GRID1: variants seen among roughly 807,000 people sequenced by gnomAD.
GRID1 encodes the protein glutamate receptor ionotropic, delta-1.
Under a neutral mutation model 98.0 loss-of-function variants are expected in GRID1, and 28 were observed. That is an observed-to-expected ratio of 0.29 (90% CI 0.21 to 0.39). The LOEUF is 0.39. Among genes scored for constraint, GRID1 ranks in the 10% least tolerant of loss-of-function variants. GRID1 has a pLI of 1.00. For missense variants in GRID1, 1,111 were observed against 1,340.5 expected, an observed-to-expected ratio of 0.83 and a Z score of 2.67; for synonymous variants, 553 against 538.5, an observed-to-expected ratio of 1.03 and a Z score of -0.37.
chr10:86,095,685 T>A (rs946562480), intron 4 of GRID1, among the ~76,000 whole-genome samples: 1 of 152,042 alleles, frequency 6.6e-6, no homozygotes, highest in Non-Finnish European at 1.5e-5. Context: ...GCAAGAATGG[T>A]CATAATAAAA....
At chr10:85,918,397 G>T (rs1841650365) in intron 4 of GRID1, among the ~76,000 whole-genome samples, 1 of 151,278 alleles carries the variant, frequency 6.6e-6, no homozygotes, top group African/African-American at 2.4e-5. Flanking sequence ...GATAACACTT[G>T]CCCCTTCCCG....
intron 4 of GRID1, among the ~76,000 whole-genome samples, chr10:86,065,238 G>C (rs1190281040): frequency 3.3e-5 from 5 of 152,222 alleles, no homozygotes; most frequent in African/African-American, 1.2e-4. Flanking sequence ...TGCTAGAAAT[G>C]CAAATTCCCA....
At chr10:85,990,537 C>T (rs1400018855) in intron 4 of GRID1, among the ~76,000 whole-genome samples, 1 of 152,180 alleles carries the variant, frequency 6.6e-6, no homozygotes, top group Non-Finnish European at 1.5e-5. Flanking sequence ...GCCTTTCAAC[C>T]GAGGTGCCCT....
At chr10:85,966,898 T>C (rs561825153) in intron 4 of GRID1, among the ~76,000 whole-genome samples, 3 of 152,114 alleles carry the variant, frequency 2.0e-5, no homozygotes, top group Non-Finnish European at 2.9e-5. Flanking sequence ...AAATGGATAC[T>C]GACATGGTTT....
intron 4 of GRID1, among the ~76,000 whole-genome samples, chr10:85,954,228 A>G (rs757549246): frequency 2.0e-5 from 3 of 152,220 alleles, no homozygotes; most frequent in African/African-American, 4.8e-5. Flanking sequence ...AGCACTCAGG[A>G]CAGGAGGATG....
chr10:86,166,672 G>A (rs1406726487), intron 3 of GRID1, among the ~76,000 whole-genome samples: 2 of 152,206 alleles, frequency 1.3e-5, no homozygotes, highest in Non-Finnish European at 2.9e-5. Flanking sequence ...AAATTGGCCT[G>A]GCTGACACTT....
At chr10:86,160,619 A>C (rs900328036) in intron 3 of GRID1, among the ~76,000 whole-genome samples, 3 of 152,220 alleles carry the variant, frequency 2.0e-5, no homozygotes, top group Admixed American at 6.5e-5. Flanking sequence ...GAGCAGAAAG[A>C]AGCTCATCAT....
intron 12 of GRID1, among the ~76,000 whole-genome samples, chr10:85,690,414 T>C (rs1178083582): frequency 6.6e-6 from 1 of 152,202 alleles, no homozygotes; most frequent in Non-Finnish European, 1.5e-5. Flanking sequence ...AACCCAAATA[T>C]ATTTTATTAA....
intron 13 of GRID1, among the ~76,000 whole-genome samples, chr10:85,629,695 A>C (rs927785698): frequency 1.3e-5 from 2 of 152,302 alleles, no homozygotes; most frequent in Admixed American, 6.5e-5. Flanking sequence ...ATATAACTAC[A>C]GTTATCTTTT....
chr10:86,196,010 T>C lies in GRID1; in HGVS notation c.520+10354A>G, dbSNP rs1845866962. ...GGACAAGCCTCGACGTCACAGCACA[T>C]GCCTCACATCAGAAGAGGAAAACCC... On this transcript the variant is annotated intron_variant, in intron 3 of 15. Transcript: ENST00000327946. Among the ~76,000 whole-genome samples, 3 of 152,076 alleles carry C rather than the reference T, an allele frequency of 2.0e-5. No homozygotes were observed. In the South Asian group the frequency reaches 6.2e-4, roughly 31 times the overall value.
chr10:85,802,170 A>ATATCCTTATC (rs1842582599), intron 8 of GRID1, among the ~76,000 whole-genome samples: 1 of 152,144 alleles, frequency 6.6e-6, no homozygotes, highest in Non-Finnish European at 1.5e-5. Context: ...ACTGTCGCTG[A>ATATCCTTATC]AATTGTTCTA....
chr10:85,951,913 C>T (rs1263689118), intron 4 of GRID1, among the ~76,000 whole-genome samples: 4 of 152,182 alleles, frequency 2.6e-5, no homozygotes, highest in East Asian at 1.9e-4. Context: ...GGGGTGAGGC[C>T]GACGCCTTGC....
At chr10:85,658,591 G>C (rs976244280) in intron 12 of GRID1, among the ~76,000 whole-genome samples, 1 of 152,164 alleles carries the variant, frequency 6.6e-6, no homozygotes, top group African/African-American at 2.4e-5. Flanking sequence ...GGGCGAACAG[G>C]CACATGGATC....
chr10:85,858,348 C>G (rs1843133514), intron 6 of GRID1, among the ~76,000 whole-genome samples: 1 of 152,184 alleles, frequency 6.6e-6, no homozygotes, highest in Admixed American at 6.5e-5. Context: ...CACACAAGAG[C>G]TTACTTGACA....
chr10:85,648,764 C>A (rs1843228866), intron 12 of GRID1, among the ~76,000 whole-genome samples: 1 of 152,228 alleles, frequency 6.6e-6, no homozygotes, highest in Admixed American at 6.5e-5. Context: ...CAGCCAACAG[C>A]TGCCTCTTTC....
rs142887429 is a variant in GRID1 at position 86,243,742 on chromosome 10, C to T, written c.236-37094G>A. 8.1e-3 allele frequency among the ~76,000 whole-genome samples: 1,234 copies of T among 152,268 alleles called. 9 individuals carry two copies. Among genetic ancestry groups the T allele is most frequent in the Non-Finnish European group, 0.012 (844 of 68,022 alleles). ...GAAAGTTGCTTGCCCAAAATGCCAG[C>T]GCCACCCATTAACAGCATGGGGTTC... On this transcript the variant is annotated intron_variant, in intron 2 of 15. Coordinates refer to ENST00000327946, the MANE Select transcript of GRID1 (RefSeq NM_017551.3).
chr10:85,633,620 G>A (rs182297400), intron 13 of GRID1, among the ~76,000 whole-genome samples: 3 of 152,290 alleles, frequency 2.0e-5, no homozygotes, highest in Admixed American at 6.5e-5. Context: ...ATCCCTTCAT[G>A]TGCTGGGAGA....
intron 4 of GRID1, among the ~76,000 whole-genome samples, chr10:86,068,449 A>G (rs557997058): frequency 6.6e-6 from 1 of 152,276 alleles, no homozygotes; most frequent in South Asian, 2.1e-4. Flanking sequence ...CCATCCCCAA[A>G]TAGAACCTTC....
intron 4 of GRID1, among the ~76,000 whole-genome samples, chr10:85,919,830 A>G (rs1202454152): frequency 2.0e-5 from 3 of 152,130 alleles, no homozygotes; most frequent in Non-Finnish European, 4.4e-5. Context: ...TTCCACACCC[A>G]TAAGGCTTTT....
Sources: allele counts gnomAD v4.1 joint callset (sites outside exome capture counted in the v4.1 genomes callset), GRCh38; gene constraint gnomAD v4.1.1; transcripts MANE v1.5; gene names NCBI Gene and HGNC (gene_info 2026-07-23, HGNC 2026-07-21).